The following ZNRF1 variants were observed in gnomAD, a reference collection of about 807,000 sequenced individuals.
ZNRF1 encodes E3 ubiquitin-protein ligase ZNRF1.
ZNRF1 carries 3 observed loss-of-function variants against 18.4 expected under a neutral mutation model. The observed-to-expected ratio is 0.16, with a 90% CI of 0.07 to 0.42. ZNRF1 has a LOEUF of 0.42. ZNRF1 is among the 10% of genes least tolerant of loss of function. The probability of loss-of-function intolerance (pLI) is 0.99; values close to 1 mark genes in which losing one functional copy is unlikely to be tolerated. For synonymous variants in ZNRF1, 157 were observed against 144.2 expected (o/e 1.09, Z -0.64); for missense variants, 310 against 329.8 (o/e 0.94, Z 0.47).
intron 1 of ZNRF1, among the ~76,000 whole-genome samples, chr16:75,023,313 C>G (rs543911238): frequency 1.3e-5 from 2 of 152,166 alleles, no homozygotes; most frequent in African/African-American, 2.4e-5. Flanking sequence ...CCTTACCCCC[C>G]ACATTCACAT....
chr16:75,055,265 CTTATTTATTTTTAT>C (rs1567480372), intron 1 of ZNRF1, among the ~76,000 whole-genome samples: 1 of 152,160 alleles, frequency 6.6e-6, no homozygotes, highest in Non-Finnish European at 1.5e-5. Flanking sequence ...CTTACTAGAA[CTTATTTATTTTTAT>C]TTATTTATTT....
intron 1 of ZNRF1, among the ~76,000 whole-genome samples, chr16:75,069,663 C>T (rs1370934333): frequency 1.3e-5 from 2 of 152,190 alleles, no homozygotes; most frequent in East Asian, 3.8e-4. Flanking sequence ...CCACCCGCCT[C>T]GGCCTCCCAA....
chr16:75,095,874 C>T (rs1597908086), intron 2 of ZNRF1: 4 of 897,304 alleles, frequency 4.5e-6, no homozygotes, highest in East Asian at 5.9e-5. Context: ...ACCCCACCAC[C>T]GGCAGCCTCA....
chr16:75,041,781 G>A (rs892358895), intron 1 of ZNRF1, among the ~76,000 whole-genome samples: 1 of 149,300 alleles, frequency 6.7e-6, no homozygotes. Context: ...TCAGGAGTTC[G>A]AGACCAGCCT....
chr16:75,028,574 C>T (rs370968695), intron 1 of ZNRF1, among the ~76,000 whole-genome samples: 4 of 152,228 alleles, frequency 2.6e-5, no homozygotes, highest in African/African-American at 9.6e-5. Flanking sequence ...GGATTATAGG[C>T]GTGAGCCTCT....
At chr16:75,021,154 C>T (rs1467465978) in intron 1 of ZNRF1, among the ~76,000 whole-genome samples, 1 of 152,172 alleles carries the variant, frequency 6.6e-6, no homozygotes, top group Admixed American at 6.5e-5. Flanking sequence ...GATTCTCCTG[C>T]CTCAGCCTCG....
chr16:75,008,395 T>G (rs2034951178), intron 1 of ZNRF1, among the ~76,000 whole-genome samples: 1 of 152,214 alleles, frequency 6.6e-6, no homozygotes, highest in Non-Finnish European at 1.5e-5. Context: ...TCGCCTTTCC[T>G]TCTGCACTTG....
At chr16:75,005,959 C>T (rs981685828) in intron 1 of ZNRF1, among the ~76,000 whole-genome samples, 10 of 152,080 alleles carry the variant, frequency 6.6e-5, no homozygotes, top group South Asian at 2.1e-4. Context: ...ATATGTTGCT[C>T]CTAGTGCTCC....
intron 1 of ZNRF1, among the ~76,000 whole-genome samples, chr16:75,063,504 G>A (rs1028558877): frequency 6.6e-6 from 1 of 152,186 alleles, no homozygotes; most frequent in Non-Finnish European, 1.5e-5. Flanking sequence ...GTGGATAGGT[G>A]TGCATGGCAT....
At chr16:75,032,214 A>G (rs545041266) in intron 1 of ZNRF1, among the ~76,000 whole-genome samples, 2 of 150,138 alleles carry the variant, frequency 1.3e-5, no homozygotes, top group South Asian at 2.1e-4. Flanking sequence ...GGTTCAAGCA[A>G]TTGTCTCGCC....
rs372288752 is a variant in ZNRF1, at chr16:75,095,534, T to C, written c.520+1867T>C. ...CTTTCCCACATGTGTGGAGACCTCA[T>C]GAAGTCCTCCGTTTGTCCTGTGGGT... On this transcript the variant is annotated intron_variant, in intron 2 of 4. Transcript: ENST00000335325. 31 of 1,435,382 alleles carry C rather than the reference T, an allele frequency of 2.2e-5. No homozygotes were observed. In the East Asian group the frequency reaches 6.3e-4, roughly 29 times the overall value. The allele number at this position is 1,435,382 out of a possible 1,614,324, so 88.9% of individuals were successfully genotyped here. A position where few individuals can be genotyped will look rare whatever the true frequency, so the allele number is the denominator to read the frequency against.
intron 1 of ZNRF1, among the ~76,000 whole-genome samples, chr16:75,091,074 A>T (rs935144225): frequency 3.9e-5 from 6 of 152,066 alleles, no homozygotes; most frequent in Non-Finnish European, 7.4e-5. Context: ...TATCTGTTTC[A>T]TAAGAAATGT....
At chr16:75,000,454 C>A (rs1442232183) in intron 1 of ZNRF1, 35 of 432,512 alleles carry the variant, frequency 8.1e-5, no homozygotes, top group African/African-American at 5.2e-4. Context: ...ACTGTGCCTG[C>A]CTCACCGGTA....
intron 1 of ZNRF1, among the ~76,000 whole-genome samples, chr16:75,061,300 C>T (rs1038823428): frequency 6.6e-6 from 1 of 152,102 alleles, no homozygotes; most frequent in Non-Finnish European, 1.5e-5. Context: ...TCCCCCCACA[C>T]CCCCAGTACC....
chr16:75,003,177 G>A (rs770426129), intron 1 of ZNRF1, among the ~76,000 whole-genome samples: 2 of 152,190 alleles, frequency 1.3e-5, no homozygotes, highest in African/African-American at 4.8e-5. Flanking sequence ...TATCAGGCTG[G>A]TCTCAAACTC....
At chr16:75,023,471 G>T (rs569019814) in intron 1 of ZNRF1, among the ~76,000 whole-genome samples, 2 of 152,178 alleles carry the variant, frequency 1.3e-5, no homozygotes, top group African/African-American at 4.8e-5. Context: ...ATCACCTGAC[G>T]TCAGGAGTTG....
chr16:75,044,095 G>T (rs1025162809), intron 1 of ZNRF1, among the ~76,000 whole-genome samples: 4 of 152,074 alleles, frequency 2.6e-5, no homozygotes, highest in Non-Finnish European at 5.9e-5. Flanking sequence ...ATACAGGTGT[G>T]AGCCACCATG....
At chr16:75,009,968 G>A (rs2034972474) in intron 1 of ZNRF1, among the ~76,000 whole-genome samples, 1 of 151,746 alleles carries the variant, frequency 6.6e-6, no homozygotes, top group African/African-American at 2.4e-5. Flanking sequence ...ATATGTCCAT[G>A]TTTGAATCAG....
chr16:75,079,416 G>A (rs1428484249), intron 1 of ZNRF1, among the ~76,000 whole-genome samples: 1 of 152,188 alleles, frequency 6.6e-6, no homozygotes, highest in African/African-American at 2.4e-5. Context: ...GGAAGCAGAG[G>A]TTGCGGGGAG....
Sources: gnomAD v4.1 joint callset for allele counts (sites outside exome capture counted in the v4.1 genomes callset) on GRCh38, gnomAD v4.1.1 for gene constraint, MANE v1.5 for transcripts, NCBI Gene and HGNC (gene_info 2026-07-23, HGNC 2026-07-21) for gene names.